Variants in EML6 observed in about 807,000 individuals in gnomAD.
EML6 encodes EMAP like 6, also known as echinoderm microtubule-associated protein-like 6.
EML6 carries 154 observed loss-of-function variants against 240.1 expected under a neutral mutation model. The ratio of observed to expected loss-of-function variants is 0.64; its 90% CI spans 0.56 to 0.73. The LOEUF is 0.73. Ranked by LOEUF, EML6 falls within the 30% of genes least tolerant of loss-of-function variation. The pLI is 0.00. For synonymous variants in EML6, 1,148 were observed against 899.0 expected (o/e 1.28, Z -4.95); for missense variants, 2,964 against 2,474.6 (o/e 1.20, Z -4.20).
In EML6 at chr2:54,766,166, A is replaced by G. The variant is rs1668181704; in HGVS notation, c.197+40908A>G. 3.9e-5 allele frequency among the ~76,000 whole-genome samples: 6 copies of G among 152,224 alleles called. 1 individual carries two copies. Among genetic ancestry groups the G allele is most frequent in the Admixed American group, 3.9e-4 (6 of 15,278 alleles). On this transcript the variant is annotated intron_variant, in intron 2 of 41. Coordinates refer to ENST00000356458, the MANE Select transcript of EML6 (RefSeq NM_001039753.4). The stretch of plus-strand genomic sequence containing the variant: ...CCTTGTGTAGTTACTAAAAACAAGG[A>G]CTTCTTTTGTGTAACCACAGTATAG...
chr2:54,969,069 G>A (rs76548506), intron 41 of EML6, among the ~76,000 whole-genome samples: 6,327 of 152,284 alleles, frequency 0.042, 190 homozygotes, highest in Non-Finnish European at 0.061. Context: ...CGAGATGGCT[G>A]ATTTGAGTAG....
chr2:54,962,237 G>A (rs1676554032), intron 35 of EML6, among the ~76,000 whole-genome samples: 1 of 151,682 alleles, frequency 6.6e-6, no homozygotes, highest in Non-Finnish European at 1.5e-5. Flanking sequence ...TTTTTTAACT[G>A]TGGCCAAATA....
At chr2:54,811,219 C>T (rs1472562684) in intron 2 of EML6, among the ~76,000 whole-genome samples, 2 of 152,194 alleles carry the variant, frequency 1.3e-5, no homozygotes, top group African/African-American at 2.4e-5. Flanking sequence ...GGATTACCTT[C>T]CTAAATTATG....
chr2:54,945,064 C>T (rs941956839), intron 28 of EML6, among the ~76,000 whole-genome samples: 133 of 123,778 alleles, frequency 1.1e-3, no homozygotes, highest in African/African-American at 3.9e-3. Flanking sequence ...CCCTCTCTGC[C>T]TCCCCCTTCT....
At chr2:54,741,508 G>C (rs180702304) in intron 2 of EML6, among the ~76,000 whole-genome samples, 1 of 152,204 alleles carries the variant, frequency 6.6e-6, no homozygotes, top group Non-Finnish European at 1.5e-5. Context: ...AGAAAGCAGT[G>C]ACACATCAGC....
intron 2 of EML6, among the ~76,000 whole-genome samples, chr2:54,726,977 A>T (rs1272496988): frequency 6.6e-6 from 1 of 152,186 alleles, no homozygotes; most frequent in East Asian, 1.9e-4. Context: ...TTTTTCTCTG[A>T]TACAAGGAAA....
chr2:54,739,748 T>A (rs931176765), intron 2 of EML6, among the ~76,000 whole-genome samples: 4 of 152,242 alleles, frequency 2.6e-5, no homozygotes, highest in Non-Finnish European at 5.9e-5. Context: ...TAGGGAAGGC[T>A]TTCTGGAAGA....
intron 38 of EML6, among the ~76,000 whole-genome samples, chr2:54,965,745 C>T (rs896075438): frequency 4.6e-5 from 7 of 152,238 alleles, no homozygotes; most frequent in Middle Eastern, 3.4e-3. Flanking sequence ...ATCAAGTGCA[C>T]GGTCTGCAAA....
chr2:54,862,980 C>A (rs1265874979), intron 12 of EML6, among the ~76,000 whole-genome samples: 1 of 152,178 alleles, frequency 6.6e-6, no homozygotes, highest in Non-Finnish European at 1.5e-5. Flanking sequence ...AAGTGGCCTT[C>A]AGAATGGGGC....
intron 32 of EML6, among the ~76,000 whole-genome samples, chr2:54,955,669 G>A (rs1676198159): frequency 6.6e-6 from 1 of 152,198 alleles, no homozygotes; most frequent in Admixed American, 6.5e-5. Flanking sequence ...GCTTTGGCCT[G>A]CCCTAGCACA....
At chr2:54,915,582 T>A (rs1673867540) in intron 25 of EML6, among the ~76,000 whole-genome samples, 1 of 152,104 alleles carries the variant, frequency 6.6e-6, no homozygotes, top group East Asian at 1.9e-4. Context: ...AGATTCAGAT[T>A]TTTGTTTCCA....
intron 7 of EML6, among the ~76,000 whole-genome samples, chr2:54,843,295 T>C (rs988277688): frequency 6.6e-6 from 1 of 152,126 alleles, no homozygotes; most frequent in African/African-American, 2.4e-5. Context: ...AGGCATGGTG[T>C]TGCACACCTG....
chr2:54,970,044 A>G (rs1417812196), intron 41 of EML6, 27 bp from the exon 42 acceptor site: 1 of 1,551,546 alleles, frequency 6.4e-7, no homozygotes, highest in East Asian at 2.4e-5. Flanking sequence ...CAGCTATGCA[A>G]AATGACTGTT....
At chr2:54,849,737 C>T (rs1669969133) in intron 9 of EML6, among the ~76,000 whole-genome samples, 1 of 152,230 alleles carries the variant, frequency 6.6e-6, no homozygotes. Context: ...ATCCGTCTGC[C>T]TCGGCCTCCC....
intron 2 of EML6, among the ~76,000 whole-genome samples, chr2:54,734,070 G>A (rs1454325018): frequency 1.3e-5 from 2 of 152,206 alleles, no homozygotes; most frequent in Non-Finnish European, 2.9e-5. Flanking sequence ...CAGGCACGGT[G>A]GCTCACTTCT....
chr2:54,852,327 G>T (rs530628342), intron 10 of EML6, among the ~76,000 whole-genome samples: 7 of 152,142 alleles, frequency 4.6e-5, no homozygotes, highest in Non-Finnish European at 8.8e-5. Flanking sequence ...AAATTCTTCA[G>T]TGTACCATTG....
intron 32 of EML6, among the ~76,000 whole-genome samples, chr2:54,955,909 TCTTA>T (rs1175581747): frequency 2.0e-5 from 3 of 152,218 alleles, no homozygotes; most frequent in Admixed American, 2.0e-4. Context: ...TCATTTCAAG[TCTTA>T]CTTACAGATA....
intron 25 of EML6, among the ~76,000 whole-genome samples, chr2:54,914,613 G>A (rs768564893): frequency 9.2e-5 from 14 of 152,218 alleles, no homozygotes; most frequent in Non-Finnish European, 1.8e-4. Context: ...TCCAGAGGCT[G>A]ATTCCTGATG....
rs946380695 is a variant in EML6, at chr2:54,970,257, T to C, written c.*162T>C. On this transcript the variant is annotated 3_prime_UTR_variant, in exon 42 of 42. Transcript: ENST00000356458. The stretch of plus-strand genomic sequence containing the variant: ...TGCAGAAGTTACACAACTGCTCCCA[T>C]AATCTGGACTCTCCAAAACCGTGAT... 1.0e-5 allele frequency: 7 copies of C among 696,516 alleles called. No individual in the cohort carries two copies. The highest frequency in any genetic ancestry group is 2.4e-5 in the Admixed American group (1 of 41,714). 43.1% of individuals were successfully genotyped at this position (696,516 alleles called of 1,614,324 possible). A position where few individuals can be genotyped will look rare whatever the true frequency, so the allele number is the denominator to read the frequency against.
Sources: allele counts gnomAD v4.1 joint callset (sites outside exome capture counted in the v4.1 genomes callset), GRCh38; gene constraint gnomAD v4.1.1; transcripts MANE v1.5; gene names NCBI Gene and HGNC (gene_info 2026-07-23, HGNC 2026-07-21).